UBE4A: variants seen among roughly 807,000 people sequenced by gnomAD.
The protein encoded by UBE4A is ubiquitination factor E4A.
Under a neutral mutation model 117.9 loss-of-function variants are expected in UBE4A, and 48 were observed. That is an observed-to-expected ratio of 0.41 (90% CI 0.32 to 0.52). The LOEUF is 0.52. Ranked by LOEUF, UBE4A falls within the 20% of genes least tolerant of loss-of-function variation. The pLI, the probability that UBE4A is intolerant of heterozygous loss-of-function variation, is 0.33. For missense variants in UBE4A, 1,067 were observed against 1,296.3 expected (o/e 0.82, Z 2.72); for synonymous variants, 407 against 450.0 (o/e 0.90, Z 1.21).
At chr11:118,373,041 A>G (rs1409505988) in intron 6 of UBE4A, 45 bp from the exon 7 acceptor site, 3 of 1,575,698 alleles carry the variant, frequency 1.9e-6, no homozygotes. Context: ...AAAGGCATAT[A>G]AAAATTCTTG....
At chr11:118,367,603 GC>G (rs1591294823) in intron 2 of UBE4A, among the ~76,000 whole-genome samples, 1 of 149,366 alleles carries the variant, frequency 6.7e-6, no homozygotes, top group Non-Finnish European at 1.5e-5. Context: ...CCGGGTTTAA[GC>G]AATTCTCCTG....
chr11:118,368,551 G>A (rs2276421), intron 2 of UBE4A, 80 bp from the exon 3 acceptor site: 254,309 of 1,420,814 alleles, frequency 0.18, 29,422 homozygotes, highest in East Asian at 0.51. Flanking sequence ...CATCTTCTTG[G>A]TTACATTTAT....
chr11:118,381,744 AT>A (rs1314830154), intron 12 of UBE4A, among the ~76,000 whole-genome samples: 2 of 152,236 alleles, frequency 1.3e-5, no homozygotes, highest in Non-Finnish European at 2.9e-5. Context: ...AATCCTGCAT[AT>A]AAGTATCTTA....
intron 5 of UBE4A, 123 bp from the exon 6 acceptor site, chr11:118,372,382 ATC>A: frequency 1.1e-6 from 1 of 923,316 alleles, no homozygotes; most frequent in Non-Finnish European, 1.5e-6. Flanking sequence ...CAAGGAAGGA[ATC>A]TCTAATTAAT....
chr11:118,375,697 A>C (rs534687352), intron 9 of UBE4A, among the ~76,000 whole-genome samples: 30 of 152,266 alleles, frequency 2.0e-4, no homozygotes, highest in African/African-American at 7.2e-4. Flanking sequence ...GAAAAAAAAA[A>C]ACACCTGGTA....
chr11:118,384,785 T>A, intron 14 of UBE4A, 47 bp from the exon 15 acceptor site: 1 of 1,611,000 alleles, frequency 6.2e-7, no homozygotes, highest in African/African-American at 1.3e-5. Context: ...CCCTAATGAG[T>A]TGTAATTCAG....
chr11:118,390,370 TATATA>T (rs1948800824), intron 17 of UBE4A, among the ~76,000 whole-genome samples: 1 of 146,136 alleles, frequency 6.8e-6, no homozygotes, highest in Non-Finnish European at 1.5e-5. Context: ...ATATATTAAA[TATATA>T]ATATATTTAA....
Position 118,365,070 on chromosome 11 carries a change from C to A in UBE4A, c.-11C>A. On this transcript the variant is annotated 5_prime_UTR_variant, in exon 2 of 20. Transcript: ENST00000252108. ...CCCACTAGGTCTGGATGGAGGATAC[C>A]TTAAAGTGAAATGACAGACCAGGAG... 1.2e-6 allele frequency: 2 copies of A among 1,613,230 alleles called. No individual in the cohort carries two copies. The highest frequency in any genetic ancestry group is 8.5e-7 in the Non-Finnish European group (1 of 1,179,680).
chr11:118,361,183 C>T (rs953273262), intron 1 of UBE4A, among the ~76,000 whole-genome samples: 19 of 151,648 alleles, frequency 1.3e-4, no homozygotes, highest in East Asian at 1.2e-3. Flanking sequence ...TGGTGGTATG[C>T]GCCTGTAATC....
rs549623394 is a variant in UBE4A, at chr11:118,366,600, C to T, written c.121+1399C>T. Among the ~76,000 whole-genome samples the T allele has an allele frequency of 2.6e-5, 4 of 152,350 alleles. No homozygotes were observed. The South Asian group carries it at 8.3e-4, about 32-fold the overall frequency. On this transcript the variant is annotated intron_variant, in intron 2 of 19. Transcript: ENST00000252108. ...AACCTGTTTCCACTAGCAATTAGTA[C>T]TTTGCCAAAACCTTTGGCTTCCTAT...
Position 118,386,725 on chromosome 11 carries a change from C to T in UBE4A, c.2587+113C>T, listed in dbSNP as rs1948762666. On this transcript the variant is annotated intron_variant, in intron 16 of 19. Coordinates refer to ENST00000252108, the MANE Select transcript of UBE4A (RefSeq NM_001204077.2). ...TTCAGACCCTGGTGACAGTATCCTC[C>T]ACATCTGGAAGGGAAACGAATCACT... The T allele has an allele frequency of 4.2e-6, 5 of 1,187,214 alleles. No individual in the cohort carries two copies. The South Asian group carries it at 9.7e-5, about 23-fold the overall frequency. 73.5% of individuals were successfully genotyped at this position (1,187,214 alleles called of 1,614,324 possible).
rs141937172 is a variant in UBE4A, at chr11:118,360,621, G to C, written c.-42+947G>C. On this transcript the variant is annotated intron_variant, in intron 1 of 19. Transcript: ENST00000252108. ...ATAGAGCTTGATTTTGACGATCCCA[G>C]TTTTACAAAGTGTTCCAGATATTTC... Among the ~76,000 whole-genome samples, 284 of 152,294 alleles carry C rather than the reference G, an allele frequency of 1.9e-3. 1 individual carries two copies. Among genetic ancestry groups the C allele is most frequent in the Non-Finnish European group, 3.4e-3 (230 of 68,026 alleles).
Position 118,397,056 on chromosome 11 carries a change from C to G in UBE4A, c.*616C>G, listed in dbSNP as rs1948881251. The G allele has an allele frequency of 6.6e-6, 1 of 152,302 alleles. No homozygotes were observed. Among genetic ancestry groups the G allele is most frequent in the Non-Finnish European group, 1.5e-5 (1 of 68,184 alleles). The allele number at this position is 152,302 out of a possible 1,614,324, so 9.4% of individuals were successfully genotyped here. Reference sequence around the variant, plus strand: ...AATTTAAAGGAATCTTGTGCAACTTCTGTTGATAGCTCTTAATTTTGTTAT... The same window carrying G: ...AATTTAAAGGAATCTTGTGCAACTTGTGTTGATAGCTCTTAATTTTGTTAT... On this transcript the variant is annotated 3_prime_UTR_variant, in exon 20 of 20. Coordinates refer to ENST00000252108, the MANE Select transcript of UBE4A (RefSeq NM_001204077.2).
intron 16 of UBE4A, among the ~76,000 whole-genome samples, chr11:118,389,418 T>A (rs1948791527): frequency 6.6e-6 from 1 of 152,182 alleles, no homozygotes; most frequent in African/African-American, 2.4e-5. Flanking sequence ...GTTTAAAAAA[T>A]GTCTGTGTGT....
chr11:118,398,426 T>G lies in UBE4A; in HGVS notation c.*1986T>G, dbSNP rs1948895308. 6.5e-6 allele frequency: 1 copy of G among 152,682 alleles called. No homozygotes were observed. The highest frequency in any genetic ancestry group is 2.4e-5 in the African/African-American group (1 of 41,472). The allele number at this position is 152,682 out of a possible 1,614,324, so 9.5% of individuals were successfully genotyped here. A position where few individuals can be genotyped will look rare whatever the true frequency, so the allele number is the denominator to read the frequency against. ...AATGCTGCTGAATATCTTTAAACTCTGCACAAGCAAGTGTGTAGCTTAAGG... is the reference window on the plus strand; with the variant it reads ...AATGCTGCTGAATATCTTTAAACTCGGCACAAGCAAGTGTGTAGCTTAAGG... On this transcript the variant is annotated 3_prime_UTR_variant, in exon 20 of 20. Transcript: ENST00000252108.
chr11:118,383,291 C>T (rs1453737922), intron 13 of UBE4A, among the ~76,000 whole-genome samples: 2 of 151,994 alleles, frequency 1.3e-5, no homozygotes, highest in Admixed American at 6.6e-5. Context: ...TCTAATGGTT[C>T]GATTAAAAAT....
chr11:118,367,235 G>A (rs1164204152), intron 2 of UBE4A, among the ~76,000 whole-genome samples: 3 of 144,470 alleles, frequency 2.1e-5, no homozygotes, highest in Non-Finnish European at 4.5e-5. Context: ...CAGATTTTGA[G>A]GACAGAAGTT....
At chr11:118,360,986 A>G (rs911266046) in intron 1 of UBE4A, among the ~76,000 whole-genome samples, 12 of 140,918 alleles carry the variant, frequency 8.5e-5, no homozygotes, top group South Asian at 2.3e-4. Flanking sequence ...GTATGTATAT[A>G]TGTGTGTGTG....
In UBE4A at chr11:118,379,513, C is replaced by G. The variant is rs1428407575; in HGVS notation, c.1639C>G (p.Gln547Glu). Residue 547 changes from glutamine (Q) to glutamate (E), a missense_variant, in exon 11 of 20, where the codon CAG (glutamine) becomes GAG (glutamate). Gln to Glu is a conservative substitution (Grantham distance 29). Transcript: ENST00000252108. ...GCTGCAGGTTGCCTGGCGGGATGCTCAGCAAAGTTCTAGCCCTGCTGCTGA... is the reference window on the plus strand; with the variant it reads ...GCTGCAGGTTGCCTGGCGGGATGCTGAGCAAAGTTCTAGCCCTGCTGCTGA... ...HRLQVAWRDA[Q>E]QSSSPAADNL... The G allele has an allele frequency of 1.2e-6, 2 of 1,614,084 alleles. No individual in the cohort carries two copies. The highest frequency in any genetic ancestry group is 1.7e-6 in the Non-Finnish European group (2 of 1,180,038).
Sources: allele counts gnomAD v4.1 joint callset (sites outside exome capture counted in the v4.1 genomes callset), GRCh38; gene constraint gnomAD v4.1.1; transcripts MANE v1.5; gene names NCBI Gene and HGNC (gene_info 2026-07-23, HGNC 2026-07-21).